The following KLRG1 variants were observed in gnomAD, a reference collection of about 807,000 sequenced individuals.
KLRG1 encodes killer cell lectin like receptor G1.
In KLRG1, 16 loss-of-function variants were observed where a neutral mutation model predicts 21.8. That is an observed-to-expected ratio of 0.73 (90% CI 0.50 to 1.11). KLRG1 has a LOEUF of 1.11. Ranked by LOEUF, KLRG1 falls within the 50% of genes most tolerant of loss-of-function variation. The pLI is 0.00. For missense variants in KLRG1, 173 were observed against 218.3 expected (o/e 0.79, Z 1.31); for synonymous variants, 69 against 75.9 (o/e 0.91, Z 0.47).
intron 1 of KLRG1, among the ~76,000 whole-genome samples, chr12:8,956,313 C>A (rs1946292196): frequency 6.6e-6 from 1 of 152,154 alleles, no homozygotes; most frequent in Non-Finnish European, 1.5e-5. Context: ...GGGACATGCC[C>A]CCGTTCGGCA....
At chr12:9,169,458 T>C in the KLRG1 span, 2 of 1,609,180 alleles carry the variant, frequency 1.2e-6, no homozygotes, top group Non-Finnish European at 1.7e-6. Context: ...ATCTGCTTCA[T>C]TACTTGATAA....
chr12:8,967,171 A>C, intron 1 of KLRG1, among the ~76,000 whole-genome samples: 1 of 113,766 alleles, frequency 8.8e-6, no homozygotes. Context: ...AACATCACAC[A>C]CCGGGGACTG....
the KLRG1 span, among the ~76,000 whole-genome samples, chr12:9,088,248 A>T: frequency 3.0e-4 from 41 of 136,792 alleles, no homozygotes; most frequent in Non-Finnish European, 5.2e-4. Context: ...CTTTAATGTG[A>T]TGTTCTGTTT....
At chr12:9,098,859 T>C in the KLRG1 span, 2 of 1,326,536 alleles carry the variant, frequency 1.5e-6, no homozygotes, top group Non-Finnish European at 2.1e-6. Flanking sequence ...ATAACCACTC[T>C]GCTTGACTTC....
chr12:8,958,037 T>C (rs747069866), intron 1 of KLRG1, among the ~76,000 whole-genome samples: 122 of 152,284 alleles, frequency 8.0e-4, no homozygotes, highest in African/African-American at 2.8e-3. Context: ...TAAGAAGCCT[T>C]ATAGTTTTAT....
chr12:9,045,463 G>A, the KLRG1 span, among the ~76,000 whole-genome samples: 1 of 151,936 alleles, frequency 6.6e-6, no homozygotes, highest in Admixed American at 6.6e-5. Flanking sequence ...TAATAATCTA[G>A]ATTTCTACAA....
the KLRG1 span, among the ~76,000 whole-genome samples, chr12:9,042,892 G>T: frequency 4.0e-5 from 6 of 151,872 alleles, no homozygotes; most frequent in Non-Finnish European, 5.9e-5. Flanking sequence ...GAATGGAGAA[G>T]CACTTTGATG....
At chr12:8,989,815 A>C (rs1946915085) in intron 1 of KLRG1, 98 bp downstream of exon 1, 1 of 701,234 alleles carries the variant, frequency 1.4e-6, no homozygotes, top group African/African-American at 1.8e-5. Context: ...GTGCAGAAGA[A>C]TTGAGGATAA....
the KLRG1 span, among the ~76,000 whole-genome samples, chr12:9,131,161 T>C: frequency 6.6e-6 from 1 of 152,336 alleles, no homozygotes; most frequent in African/African-American, 2.4e-5. Context: ...TTTATGCCAG[T>C]GCCACACTGC....
chr12:9,141,059 G>A, the KLRG1 span, among the ~76,000 whole-genome samples: 64 of 152,214 alleles, frequency 4.2e-4, 1 homozygote, highest in East Asian at 0.011. Flanking sequence ...GACAACAATT[G>A]TTTATGGATG....
At chr12:9,035,773 T>G in the KLRG1 span, among the ~76,000 whole-genome samples, 1 of 151,468 alleles carries the variant, frequency 6.6e-6, no homozygotes, top group Non-Finnish European at 1.5e-5. Flanking sequence ...GTGGACTGGA[T>G]AAAGAAAATG....
At chr12:9,193,387 A>C in the KLRG1 span, among the ~76,000 whole-genome samples, 1 of 152,214 alleles carries the variant, frequency 6.6e-6, no homozygotes, top group Non-Finnish European at 1.5e-5. Flanking sequence ...CCTATTTAAA[A>C]AAACCTTTTG....
At chr12:9,115,890 T>G in the KLRG1 span, 1 of 1,509,994 alleles carries the variant, frequency 6.6e-7, no homozygotes, top group East Asian at 2.3e-5. Flanking sequence ...GACTGTATTG[T>G]ACCCTACTCC....
chr12:9,215,116 A>T, the KLRG1 span, among the ~76,000 whole-genome samples: 1 of 152,002 alleles, frequency 6.6e-6, no homozygotes, highest in Non-Finnish European at 1.5e-5. Context: ...ATTATTGGTT[A>T]TACTAATAAA....
At chr12:9,168,974 C>T in the KLRG1 span, 19 of 1,608,642 alleles carry the variant, frequency 1.2e-5, no homozygotes, top group African/African-American at 2.7e-5. Flanking sequence ...AATCCCATCC[C>T]CTGGAAAAAA....
At chr12:9,013,189 A>ATGT (rs1947655838), downstream of KLRG1, among the ~76,000 whole-genome samples, 1 of 152,190 alleles carries the variant, frequency 6.6e-6, no homozygotes, top group South Asian at 2.1e-4. Context: ...TGCAGTGGCC[A>ATGT]AAGACTTAGA....
At chr12:9,169,697 G>T in the KLRG1 span, 335 of 1,051,388 alleles carry the variant, frequency 3.2e-4, no homozygotes, top group African/African-American at 4.8e-3. Context: ...TCTTGAGTAC[G>T]TTCATGTAGT....
the KLRG1 span, among the ~76,000 whole-genome samples, chr12:9,123,204 C>T: frequency 6.6e-6 from 1 of 152,070 alleles, no homozygotes; most frequent in Non-Finnish European, 1.5e-5. Context: ...GTTCCAAGAT[C>T]CCCAGTGGAC....
At chr12:9,163,392 T>C in the KLRG1 span, among the ~76,000 whole-genome samples, 1 of 151,150 alleles carries the variant, frequency 6.6e-6, no homozygotes, top group African/African-American at 2.4e-5. Context: ...GGCAGAGCTT[T>C]CAGTGAGCCG....
Sources: gnomAD v4.1 joint callset for allele counts (sites outside exome capture counted in the v4.1 genomes callset) on GRCh38, gnomAD v4.1.1 for gene constraint, MANE v1.5 for transcripts, NCBI Gene and HGNC (gene_info 2026-07-23, HGNC 2026-07-21) for gene names.